MACF1: variants seen among roughly 807,000 people sequenced by gnomAD.
The protein encoded by MACF1 is microtubule-actin cross-linking factor 1.
In MACF1, 193 loss-of-function variants were observed where a neutral mutation model predicts 854.8. The ratio of observed to expected loss-of-function variants is 0.23; its 90% confidence interval spans 0.20 to 0.25. The LOEUF (loss-of-function observed/expected upper bound fraction) is 0.25. Among genes scored for constraint, MACF1 ranks in the 10% least tolerant of loss-of-function variants. The pLI is 1.00. For synonymous variants in MACF1, 3,185 were observed against 3,226.7 expected, an observed-to-expected ratio of 0.99 and a Z score of 0.44; for missense variants, 7,722 against 8,929.1, an observed-to-expected ratio of 0.86 and a Z score of 5.45.
chr1:39,090,297 C>T (rs1301569064), intron 2 of MACF1, among the ~76,000 whole-genome samples: 1 of 152,234 alleles, frequency 6.6e-6, no homozygotes, highest in Admixed American at 6.5e-5. Flanking sequence ...CTGGCCCTGT[C>T]CTGGAGCTTG....
At chr1:39,357,315 T>G (rs745778085) in intron 44 of MACF1, 60 bp from the exon 45 acceptor site, 61 of 1,557,022 alleles carry the variant, frequency 3.9e-5, no homozygotes, top group Non-Finnish European at 5.1e-5. Flanking sequence ...CTTGTATACC[T>G]CAAATTATTG....
intron 95 of MACF1, among the ~76,000 whole-genome samples, chr1:39,467,383 AAG>A (rs1444480297): frequency 6.6e-6 from 1 of 152,078 alleles, no homozygotes; most frequent in Non-Finnish European, 1.5e-5. Flanking sequence ...GAAAAAGAAA[AAG>A]AAAATCCTAC....
intron 58 of MACF1, chr1:39,414,683 G>A (rs181292979): frequency 3.9e-4 from 294 of 751,888 alleles, no homozygotes; most frequent in South Asian, 3.9e-4. Context: ...TTCATGCTTC[G>A]TTTTTTATTC....
chr1:39,265,979 G>A (rs1380705103), intron 6 of MACF1, among the ~76,000 whole-genome samples: 1 of 152,110 alleles, frequency 6.6e-6, no homozygotes, highest in Admixed American at 6.5e-5. Flanking sequence ...AAACTAGTTA[G>A]GTTACTTAAC....
intron 1 of MACF1, among the ~76,000 whole-genome samples, chr1:39,220,491 T>TTC (rs1644638158): frequency 7.1e-6 from 1 of 141,284 alleles, no homozygotes; most frequent in South Asian, 2.3e-4. Context: ...ATTTTTTTTT[T>TTC]TTTTTTTTTA....
At chr1:39,379,524 T>A in intron 54 of MACF1, 80 bp downstream of exon 54, 1 of 1,492,492 alleles carries the variant, frequency 6.7e-7, no homozygotes, top group Non-Finnish European at 9.0e-7. Flanking sequence ...AGCCCAGGTA[T>A]CTGAGAGAGA....
At chr1:39,308,769 C>T (rs1265502423) in intron 23 of MACF1, among the ~76,000 whole-genome samples, 2 of 152,078 alleles carry the variant, frequency 1.3e-5, no homozygotes, top group East Asian at 3.9e-4. Context: ...GATTCTCCTG[C>T]CTCAGCCTCC....
At position 39,335,634 on chromosome 1, in the gene MACF1, C is replaced by A. The variant is rs777954198; in HGVS notation, c.9046C>A (p.Gln3016Lys). The stretch of plus-strand genomic sequence containing the variant: ...TGAGCATGACTCCCATATAAAGAGC[C>A]AACCTAGGGAAATGACCTCAAGTGA... ...RDEHDSHIKSQPREMTSSEKG... is the reference protein window; with the variant it reads ...RDEHDSHIKSKPREMTSSEKG... The change falls in exon 37 of 101, where the codon CAA becomes AAA. Residue 3016 changes from glutamine (Q) to lysine (K), a missense_variant. Gln to Lys is a moderately conservative substitution (Grantham distance 53). This residue lies in a region of MACF1 where 854 missense variants were observed against 852.6 expected (regional missense o/e 1.00). Coordinates refer to ENST00000564288, the MANE Select transcript of MACF1 (RefSeq NM_001394062.1). 3 of 1,614,108 alleles carry A rather than the reference C, an allele frequency of 1.9e-6. No homozygotes were observed. Among genetic ancestry groups the A allele is most frequent in the South Asian group, 1.1e-5 (1 of 91,068 alleles).
intron 49 of MACF1, among the ~76,000 whole-genome samples, chr1:39,366,059 T>C (rs958744565): frequency 1.3e-5 from 2 of 152,204 alleles, no homozygotes; most frequent in Non-Finnish European, 2.9e-5. Flanking sequence ...GGCTTTATGG[T>C]ATATTTTAAT....
chr1:39,113,638 G>C (rs2148147375), intron 2 of MACF1, among the ~76,000 whole-genome samples: 1 of 152,232 alleles, frequency 6.6e-6, no homozygotes, highest in Non-Finnish European at 1.5e-5. Context: ...ATTTTAAACA[G>C]AGAAAAATAA....
At chr1:39,292,895 C>G in intron 17 of MACF1, 52 bp downstream of exon 17, 9 of 1,420,320 alleles carry the variant, frequency 6.3e-6, no homozygotes, top group Non-Finnish European at 8.8e-6. Flanking sequence ...TGGTTCCCCC[C>G]AATCAACTCT....
At position 39,336,363 on chromosome 1, in the gene MACF1, G is replaced by A. The variant is rs754191648; in HGVS notation, c.9775G>A (p.Val3259Met). The change falls in exon 37 of 101, where the codon GTG (valine) becomes ATG (methionine). Residue 3259 changes from valine to methionine, a missense_variant. Val to Met is a conservative substitution (Grantham distance 21, BLOSUM62 1). Coordinates refer to ENST00000564288, the MANE Select transcript of MACF1 (RefSeq NM_001394062.1). Reference protein sequence around the residue: ...GLEAGSIEDIVTQRGSRVLGS... With the variant: ...GLEAGSIEDIMTQRGSRVLGS... ...AGAAGCAGGATCCATTGAGGACATAGTGACTCAGAGAGGTTCCAGAGTCTT... is the reference window on the plus strand; with the variant it reads ...AGAAGCAGGATCCATTGAGGACATAATGACTCAGAGAGGTTCCAGAGTCTT... The A allele has an allele frequency of 2.7e-5, 44 of 1,614,064 alleles. No individual in the cohort carries two copies. Among genetic ancestry groups the A allele is most frequent in the Non-Finnish European group, 2.5e-6 (3 of 1,180,038 alleles).
At chr1:39,094,519 C>T (rs574602564) in intron 2 of MACF1, among the ~76,000 whole-genome samples, 8 of 152,068 alleles carry the variant, frequency 5.3e-5, no homozygotes, top group Admixed American at 1.3e-4. Flanking sequence ...GTCAGGAGTT[C>T]GATACCAGCC....
chr1:39,289,530 T>C (rs996592021), intron 15 of MACF1, among the ~76,000 whole-genome samples: 3 of 152,094 alleles, frequency 2.0e-5, no homozygotes, highest in African/African-American at 7.2e-5. Context: ...TTGCCATTTG[T>C]ATGTCTTCTT....
At chr1:39,348,533 T>G (rs1647107574) in intron 41 of MACF1, among the ~76,000 whole-genome samples, 1 of 152,342 alleles carries the variant, frequency 6.6e-6, no homozygotes, top group South Asian at 2.1e-4. Context: ...TCTGCACCCA[T>G]CCTAACCCAT....
At chr1:39,342,737 C>T (rs768525294) in intron 40 of MACF1, among the ~76,000 whole-genome samples, 8 of 151,954 alleles carry the variant, frequency 5.3e-5, no homozygotes, top group Non-Finnish European at 1.0e-4. Flanking sequence ...GTAGAGTGGT[C>T]TCGAACTCCT....
At chr1:39,140,162 C>T (rs1482144267) in intron 2 of MACF1, among the ~76,000 whole-genome samples, 1 of 152,010 alleles carries the variant, frequency 6.6e-6, no homozygotes, top group Non-Finnish European at 1.5e-5. Context: ...ACTGTGTTGC[C>T]CAGGCTGGTC....
At chr1:39,162,472 G>C (rs1348066333) in intron 2 of MACF1, among the ~76,000 whole-genome samples, 2 of 151,922 alleles carry the variant, frequency 1.3e-5, no homozygotes, top group East Asian at 1.9e-4. Context: ...TCAATGCCTA[G>C]CTCAAGTCTC....
chr1:39,452,870 A>G (rs1644364935), intron 87 of MACF1, 58 bp downstream of exon 87: 19 of 1,577,336 alleles, frequency 1.2e-5, no homozygotes, highest in East Asian at 6.8e-5. Context: ...AGGGCTGCCT[A>G]CCACTAAATG....
Sources: allele counts gnomAD v4.1 joint callset (sites outside exome capture counted in the v4.1 genomes callset), GRCh38; gene constraint gnomAD v4.1.1; regional missense constraint gnomAD v4.1.1; transcripts MANE v1.5; gene names NCBI Gene and HGNC (gene_info 2026-07-23, HGNC 2026-07-21).